Variants in SHISA9 observed in about 807,000 individuals in gnomAD.
SHISA9 encodes protein shisa-9.
Under a neutral mutation model 38.0 loss-of-function variants are expected in SHISA9, and 13 were observed. That is an observed-to-expected ratio of 0.34 (90% CI 0.22 to 0.54). The LOEUF (loss-of-function observed/expected upper bound fraction) is 0.54. SHISA9 is among the 20% of genes least tolerant of loss of function. SHISA9 has a pLI of 0.91. For synonymous variants in SHISA9, 275 were observed against 242.0 expected (o/e 1.14, Z -1.27); for missense variants, 538 against 575.8 (o/e 0.93, Z 0.67).
At chr16:13,204,468 T>C (rs926566519) in intron 3 of SHISA9, among the ~76,000 whole-genome samples, 70 of 152,184 alleles carry the variant, frequency 4.6e-4, no homozygotes, top group African/African-American at 1.7e-3. Context: ...CCATCTACCC[T>C]AGCTGATCCT....
chr16:13,016,506 T>C (rs937485700), intron 2 of SHISA9, among the ~76,000 whole-genome samples: 1 of 152,204 alleles, frequency 6.6e-6, no homozygotes, highest in Non-Finnish European at 1.5e-5. Context: ...CAGAGAATAT[T>C]AATGCCTCTG....
chr16:13,193,397 G>T (rs1394571692), intron 2 of SHISA9, among the ~76,000 whole-genome samples: 3 of 152,072 alleles, frequency 2.0e-5, no homozygotes, highest in African/African-American at 7.2e-5. Context: ...TGTTGCTCAG[G>T]CTGGAGCACA....
At chr16:13,450,718 C>G in the SHISA9 span, among the ~76,000 whole-genome samples, 11 of 152,172 alleles carry the variant, frequency 7.2e-5, no homozygotes, top group African/African-American at 1.4e-4. Context: ...TGTCTAAGGT[C>G]ACACAGCTGA....
the SHISA9 span, among the ~76,000 whole-genome samples, chr16:13,485,508 T>C: frequency 6.6e-6 from 1 of 152,174 alleles, no homozygotes; most frequent in Non-Finnish European, 1.5e-5. Context: ...TATATAACAA[T>C]TGTACATATT....
At chr16:13,329,204 G>A in the SHISA9 span, among the ~76,000 whole-genome samples, 1 of 152,160 alleles carries the variant, frequency 6.6e-6, no homozygotes, top group Non-Finnish European at 1.5e-5. Flanking sequence ...CCTCAAGCCT[G>A]CCTGTAAAAT....
At chr16:13,030,670 TCA>T (rs2072980077) in intron 2 of SHISA9, among the ~76,000 whole-genome samples, 1 of 152,212 alleles carries the variant, frequency 6.6e-6, no homozygotes, top group African/African-American at 2.4e-5. Context: ...TTGTATAGTG[TCA>T]CAGTGTAGTA....
the SHISA9 span, among the ~76,000 whole-genome samples, chr16:13,349,873 G>A: frequency 1.3e-5 from 2 of 152,296 alleles, no homozygotes; most frequent in African/African-American, 4.8e-5. Flanking sequence ...TAAGCAAAAA[G>A]ACCAAGGTCT....
At chr16:13,251,380 G>C in the SHISA9 span, among the ~76,000 whole-genome samples, 1 of 152,202 alleles carries the variant, frequency 6.6e-6, no homozygotes, top group Non-Finnish European at 1.5e-5. Context: ...GGTGTACCCA[G>C]TTAGCACCTG....
chr16:13,082,834 G>C (rs1018348485), intron 2 of SHISA9, among the ~76,000 whole-genome samples: 2 of 152,160 alleles, frequency 1.3e-5, no homozygotes, highest in Admixed American at 1.3e-4. Context: ...TAGGAATAAG[G>C]AAAAGATGGA....
At chr16:12,993,859 G>A (rs923049174) in intron 2 of SHISA9, among the ~76,000 whole-genome samples, 1 of 152,160 alleles carries the variant, frequency 6.6e-6, no homozygotes, top group African/African-American at 2.4e-5. Flanking sequence ...ATGGGAAGGG[G>A]GTTCCAGGTG....
At chr16:13,385,328 C>G in the SHISA9 span, among the ~76,000 whole-genome samples, 1 of 152,168 alleles carries the variant, frequency 6.6e-6, no homozygotes. Context: ...GACATTCACA[C>G]AAAAATCTTT....
chr16:13,490,547 A>G, the SHISA9 span, among the ~76,000 whole-genome samples: 1 of 152,234 alleles, frequency 6.6e-6, no homozygotes, highest in Non-Finnish European at 1.5e-5. Flanking sequence ...CCTGGGCAAC[A>G]GAGCAAGAGC....
chr16:13,007,090 T>C (rs2072607605), intron 2 of SHISA9, among the ~76,000 whole-genome samples: 1 of 152,222 alleles, frequency 6.6e-6, no homozygotes, highest in Non-Finnish European at 1.5e-5. Flanking sequence ...TGCCAGTGTA[T>C]TCTAGATACT....
At chr16:13,020,768 C>T (rs1285427560) in intron 2 of SHISA9, among the ~76,000 whole-genome samples, 1 of 152,192 alleles carries the variant, frequency 6.6e-6, no homozygotes, top group Non-Finnish European at 1.5e-5. Context: ...CTAAATGATA[C>T]CAGACCTCTG....
chr16:13,462,195 C>T, the SHISA9 span, among the ~76,000 whole-genome samples: 1 of 151,590 alleles, frequency 6.6e-6, no homozygotes, highest in African/African-American at 2.4e-5. Context: ...TATTCGAGCC[C>T]AGGAGTTCAA....
At chr16:12,905,765 T>G (rs1183582346) in intron 1 of SHISA9, among the ~76,000 whole-genome samples, 1 of 152,054 alleles carries the variant, frequency 6.6e-6, no homozygotes, top group Non-Finnish European at 1.5e-5. Context: ...CTAATTTTTT[T>G]GAATTTTTAG....
At chr16:13,400,027 C>T in the SHISA9 span, among the ~76,000 whole-genome samples, 1 of 152,326 alleles carries the variant, frequency 6.6e-6, no homozygotes, top group Admixed American at 6.5e-5. Context: ...GCCTATCCAT[C>T]TCAGAACTCA....
At position 13,213,254 on chromosome 16, in the gene SHISA9, A is replaced by T. The variant is rs562940575; in HGVS notation, c.849A>T (p.Gly283=). The change falls in exon 4 of 5, where the codon GGA becomes GGT. Residue 283 remains glycine, a splice_region_variant and synonymous_variant. Coordinates refer to ENST00000558583, the MANE Select transcript of SHISA9 (RefSeq NM_001145204.3). ...LNKYASLKAV[G]SSDGDWAVST... ...ATTTCTTGATTGTTATTTTTTTAGG[A>T]AGTTCTGATGGTGACTGGGCAGTAT... The T allele has an allele frequency of 6.4e-7, 1 of 1,551,732 alleles. No individual in the cohort carries two copies. Among genetic ancestry groups the T allele is most frequent in the African/African-American group, 1.4e-5 (1 of 73,144 alleles).
chr16:13,394,591 A>G, the SHISA9 span, among the ~76,000 whole-genome samples: 2 of 149,780 alleles, frequency 1.3e-5, no homozygotes, highest in African/African-American at 4.9e-5. Flanking sequence ...TCTCGTTCTC[A>G]CTCTCTAGCT....
Sources: allele counts gnomAD v4.1 joint callset (sites outside exome capture counted in the v4.1 genomes callset), GRCh38; gene constraint gnomAD v4.1.1; transcripts MANE v1.5; gene names NCBI Gene and HGNC (gene_info 2026-07-23, HGNC 2026-07-21).